CBLL1: variants seen among roughly 807,000 people sequenced by gnomAD.
CBLL1 encodes the protein Cbl proto-oncogene like 1.
A neutral mutation model predicts 44.9 loss-of-function variants in CBLL1; 4 were observed. The ratio of observed to expected loss-of-function variants is 0.09; its 90% CI spans 0.04 to 0.20. The LOEUF (loss-of-function observed/expected upper bound fraction) is 0.20, where lower values mean the gene tolerates loss of function less well. CBLL1 is among the 10% of genes least tolerant of loss of function. CBLL1 has a pLI of 1.00. For missense variants in CBLL1, 569 were observed against 636.7 expected, an observed-to-expected ratio of 0.89 and a Z score of 1.14; for synonymous variants, 235 against 202.2, an observed-to-expected ratio of 1.16 and a Z score of -1.38.
chr7:107,759,977 T>A lies in CBLL1; in HGVS notation c.*799T>A, dbSNP rs1165245390. On this transcript the variant is annotated 3_prime_UTR_variant, in exon 6 of 6. Coordinates refer to ENST00000440859, the MANE Select transcript of CBLL1 (RefSeq NM_024814.4). The stretch of plus-strand genomic sequence containing the variant: ...GGGGAATGCTGTTACTCATTAATGC[T>A]TTTTTACTGAATGGTCGGAATCACA... 2 of 152,316 alleles carry A rather than the reference T, an allele frequency of 1.3e-5. No homozygotes were observed. The highest frequency in any genetic ancestry group is 4.8e-5 in the African/African-American group (2 of 41,448). The allele number at this position is 152,316 out of a possible 1,614,324, so 9.4% of individuals were successfully genotyped here.
intron 1 of CBLL1, chr7:107,744,467 C>A: frequency 2.4e-6 from 1 of 410,082 alleles, no homozygotes; most frequent in Non-Finnish European, 4.3e-6. Flanking sequence ...AGGGAGAGCC[C>A]CGGCTCTGTT....
intron 4 of CBLL1, 69 bp from the exon 5 acceptor site, chr7:107,755,349 C>CTA (rs950404578): frequency 1.1e-3 from 769 of 687,392 alleles, no homozygotes; most frequent in Middle Eastern, 1.9e-3. Flanking sequence ...GTATAGGTTA[C>CTA]TATATATATA....
At chr7:107,752,111 A>G (rs1313151532) in intron 2 of CBLL1, among the ~76,000 whole-genome samples, 2 of 151,122 alleles carry the variant, frequency 1.3e-5, no homozygotes, top group Admixed American at 6.6e-5. Flanking sequence ...AGGCAGGAGA[A>G]TGGCATGAAC....
In CBLL1 at chr7:107,758,337, C is replaced by T; in HGVS notation, c.635C>T (p.Pro212Leu). 1 of 1,614,122 alleles carries T rather than the reference C, an allele frequency of 6.2e-7. No individual in the cohort carries two copies. The highest frequency in any genetic ancestry group is 8.5e-7 in the Non-Finnish European group (1 of 1,180,014). The change falls in exon 6 of 6, where the codon CCA (proline) becomes CTA (leucine). Residue 212 changes from proline to leucine, a missense_variant. This residue lies in a region of CBLL1 where 111 missense variants were observed against 113.0 expected (regional missense o/e 0.98). Coordinates refer to ENST00000440859, the MANE Select transcript of CBLL1 (RefSeq NM_024814.4). The surrounding 1 kb of genome is among the most constrained non-coding windows in gnomAD (Gnocchi z 4.2). ...LENVHPPIAP[P>L]PTEIPERFIM... is the part of the protein sequence containing the mutation. ...AATGTTCATCCTCCTATTGCCCCAC[C>T]ACCAACTGAAATCCCTGAGCGTTTT...
chr7:107,755,963 T>C (rs1220871344), intron 5 of CBLL1, among the ~76,000 whole-genome samples: 1 of 152,122 alleles, frequency 6.6e-6, no homozygotes, highest in Non-Finnish European at 1.5e-5. Context: ...ATAACATATG[T>C]ACACAGATAC....
chr7:107,750,045 A>C (rs1360616691), intron 2 of CBLL1, among the ~76,000 whole-genome samples: 1 of 151,846 alleles, frequency 6.6e-6, no homozygotes, highest in East Asian at 1.9e-4. Context: ...TCCAGGCTCA[A>C]GTGATCTTTC....
At position 107,759,096 on chromosome 7, in the gene CBLL1, G is replaced by C; in HGVS notation, c.1394G>C (p.Arg465Pro). ...CCAAGAGGGCCACCACCACCTCCAC[G>C]ATTGCAGGGTCCGCCTTCTCAAACC... is the stretch of plus-strand genomic sequence containing the variant. ...PAPRGPPPPP[R>P]LQGPPSQTPL... Residue 465 changes from arginine (R) to proline (P), a missense_variant, in exon 6 of 6, where the codon CGA (arginine) becomes CCA (proline). Physicochemically the swap from Arg to Pro is moderately radical, Grantham distance 103 (BLOSUM62 -2). Transcript: ENST00000440859. 1 of 1,613,994 alleles carries C rather than the reference G, an allele frequency of 6.2e-7. No individual in the cohort carries two copies. The highest frequency in any genetic ancestry group is 8.5e-7 in the Non-Finnish European group (1 of 1,179,994).
chr7:107,757,118 C>G (rs966175040), intron 5 of CBLL1, among the ~76,000 whole-genome samples: 4 of 151,904 alleles, frequency 2.6e-5, no homozygotes, highest in Non-Finnish European at 4.4e-5. Flanking sequence ...GAGTATAGAG[C>G]CATTTAGTAT....
In CBLL1 at chr7:107,758,104, C is replaced by T. The variant is rs1239921335; in HGVS notation, c.441-39C>T. 1 of 1,508,706 alleles carries T rather than the reference C, an allele frequency of 6.6e-7. No homozygotes were observed. The highest frequency in any genetic ancestry group is 1.3e-5 in the South Asian group (1 of 75,590). 93.5% of individuals were successfully genotyped at this position (1,508,706 alleles called of 1,614,324 possible). ...TGAAAATTACATAATTTTTTGTATTCTCTTTTAGTAAATCACATTTCTTTC... is the reference window on the plus strand; with the variant it reads ...TGAAAATTACATAATTTTTTGTATTTTCTTTTAGTAAATCACATTTCTTTC... On this transcript the variant is annotated intron_variant, in intron 5 of 5. Transcript: ENST00000440859. This position sits in a 1 kb window ranked among gnomAD's most constrained non-coding sequence, Gnocchi z 4.2.
intron 1 of CBLL1, among the ~76,000 whole-genome samples, chr7:107,745,563 G>C (rs1158536007): frequency 6.6e-6 from 1 of 152,344 alleles, no homozygotes; most frequent in East Asian, 1.9e-4. Flanking sequence ...AACAGAAGTG[G>C]AGGAGGAACA....
In CBLL1 at chr7:107,758,709, C is replaced by T; in HGVS notation, c.1007C>T (p.Pro336Leu). The T allele has an allele frequency of 6.2e-7, 1 of 1,613,860 alleles. No homozygotes were observed. Residue 336 changes from proline to leucine, a missense_variant, in exon 6 of 6, where the codon CCT becomes CTT. This residue lies in a region of CBLL1 where 228 missense variants were observed against 253.2 expected (regional missense o/e 0.90). Coordinates refer to ENST00000440859, the MANE Select transcript of CBLL1 (RefSeq NM_024814.4). The surrounding 1 kb of genome is among the most constrained non-coding windows in gnomAD (Gnocchi z 4.2). ...GTATCGCACCCTCATCATATTATGC[C>T]TCCACAGCAACATTATGCACCACCC... is the stretch of plus-strand genomic sequence containing the variant. ...PVVSHPHHIM[P>L]PQQHYAPPPP...
chr7:107,750,929 T>TA (rs1301057584), intron 2 of CBLL1, among the ~76,000 whole-genome samples: 1 of 151,984 alleles, frequency 6.6e-6, no homozygotes, highest in Non-Finnish European at 1.5e-5. Flanking sequence ...AGTTCACTGA[T>TA]ACTGCTTTAG....
chr7:107,754,709 A>T (rs1230666293), intron 4 of CBLL1, among the ~76,000 whole-genome samples: 1 of 152,180 alleles, frequency 6.6e-6, no homozygotes, highest in African/African-American at 2.4e-5. Context: ...AAACTACCAG[A>T]GGAAGATGCT....
rs556036031 is a variant in CBLL1, at chr7:107,759,475, C to G, written c.*297C>G. ...TTGTAAAAAATTTGAAAAAATTTTTCATTGTTTTACTTCAAAAGTATTGTT... is the reference window on the plus strand; with the variant it reads ...TTGTAAAAAATTTGAAAAAATTTTTGATTGTTTTACTTCAAAAGTATTGTT... On this transcript the variant is annotated 3_prime_UTR_variant, in exon 6 of 6. Transcript: ENST00000440859. 7.4e-4 allele frequency: 190 copies of G among 255,960 alleles called. 1 individual carries two copies. Among genetic ancestry groups the G allele is most frequent in the African/African-American group, 4.0e-3 (181 of 45,220 alleles). 15.9% of individuals were successfully genotyped at this position (255,960 alleles called of 1,614,324 possible).
chr7:107,748,300 T>C (rs1372650827), intron 1 of CBLL1, among the ~76,000 whole-genome samples: 1 of 152,218 alleles, frequency 6.6e-6, no homozygotes, highest in African/African-American at 2.4e-5. Context: ...TACTAAATGG[T>C]ATAATGATTT....
chr7:107,757,717 C>T (rs1189163023), intron 5 of CBLL1, among the ~76,000 whole-genome samples: 1 of 152,196 alleles, frequency 6.6e-6, no homozygotes, highest in Non-Finnish European at 1.5e-5. Flanking sequence ...CTGTTTTCCA[C>T]TTAGTATTAT....
Position 107,758,227 on chromosome 7 carries a change from A to G in CBLL1, c.525A>G (p.Thr175=), listed in dbSNP as rs774923870. The G allele has an allele frequency of 1.1e-5, 18 of 1,614,038 alleles. No individual in the cohort carries two copies. Among genetic ancestry groups the G allele is most frequent in the Non-Finnish European group, 1.5e-5 (18 of 1,180,030 alleles). ...MCSIVQGCKR[T]YLSQRDLQAH... ...GCATTGTTCAAGGGTGCAAGAGAAC[A>G]TATTTGTCTCAGAGAGACTTACAGG... Residue 175 remains threonine (T), a synonymous_variant, in exon 6 of 6, where the codon ACA becomes ACG. Transcript: ENST00000440859. This position sits in a 1 kb window ranked among gnomAD's most constrained non-coding sequence, Gnocchi z 4.2.
chr7:107,747,119 C>G lies in CBLL1; in HGVS notation c.14-1761C>G, dbSNP rs188297790. ...TATGCTCTGATTCTTAATTTAAAAACAACAAAAAGCAAAAAAGTCCCAAAG... is the reference window on the plus strand; with the variant it reads ...TATGCTCTGATTCTTAATTTAAAAAGAACAAAAAGCAAAAAAGTCCCAAAG... On this transcript the variant is annotated intron_variant, in intron 1 of 5. Coordinates refer to ENST00000440859, the MANE Select transcript of CBLL1 (RefSeq NM_024814.4). Among the ~76,000 whole-genome samples, 671 of 152,186 alleles carry G rather than the reference C, an allele frequency of 4.4e-3. 7 individuals are homozygous for G. The highest frequency in any genetic ancestry group is 0.016 in the African/African-American group (647 of 41,530).
intron 2 of CBLL1, 27 bp from the exon 3 acceptor site, chr7:107,753,384 T>C (rs1033966131): frequency 4.8e-6 from 7 of 1,458,990 alleles, no homozygotes; most frequent in Non-Finnish European, 6.6e-6. Flanking sequence ...TTTGGAAAGT[T>C]AATGGGCAAT....
Sources: allele counts gnomAD v4.1 joint callset (sites outside exome capture counted in the v4.1 genomes callset), GRCh38; gene constraint gnomAD v4.1.1; regional missense constraint gnomAD v4.1.1; non-coding constraint Gnocchi (gnomAD v3.1); transcripts MANE v1.5; gene names NCBI Gene and HGNC (gene_info 2026-07-23, HGNC 2026-07-21).